DOCK3: variants seen among roughly 807,000 people sequenced by gnomAD.
The protein encoded by DOCK3 is dedicator of cytokinesis protein 3.
In DOCK3, 60 loss-of-function variants were observed where a neutral mutation model predicts 265.6. That is an observed-to-expected ratio of 0.23 (90% CI 0.18 to 0.28). The LOEUF (loss-of-function observed/expected upper bound fraction) is 0.28. DOCK3 is among the 10% of genes least tolerant of loss of function. DOCK3 has a pLI of 1.00. For synonymous variants in DOCK3, 881 were observed against 938.0 expected (o/e 0.94, Z 1.11); for missense variants, 1,981 against 2,594.3 (o/e 0.76, Z 5.14).
At chr3:50,854,591 A>ATTTTTTT (rs1559726991) in intron 3 of DOCK3, among the ~76,000 whole-genome samples, 1 of 4,316 alleles carries the variant, frequency 2.3e-4, no homozygotes, top group Admixed American at 3.1e-3. Flanking sequence ...CCATCACACC[A>ATTTTTTT]GTTTTTTTTT....
intron 9 of DOCK3, among the ~76,000 whole-genome samples, chr3:51,132,455 G>T (rs1007933322): frequency 1.4e-4 from 22 of 152,190 alleles, no homozygotes; most frequent in African/African-American, 4.8e-4. Context: ...GTTCTGAGGA[G>T]AATCAACATT....
At chr3:51,297,117 CAAAAAAA>C (rs71633066) in intron 27 of DOCK3, among the ~76,000 whole-genome samples, 11 of 65,912 alleles carry the variant, frequency 1.7e-4, no homozygotes, top group African/African-American at 5.5e-4. Context: ...GACTCTGTCT[CAAAAAAA>C]AAAAAAAAAA....
chr3:50,762,781 T>C (rs561547261), intron 1 of DOCK3, among the ~76,000 whole-genome samples: 2 of 152,314 alleles, frequency 1.3e-5, no homozygotes, highest in Admixed American at 1.3e-4. Context: ...CCAGAATAAA[T>C]CCCGCTTCAT....
In DOCK3 at chr3:51,135,651, G is replaced by A. The variant is rs141674111; in HGVS notation, c.747-10898G>A. On this transcript the variant is annotated intron_variant, in intron 9 of 52. Coordinates refer to ENST00000266037, the MANE Select transcript of DOCK3 (RefSeq NM_004947.5). ...AGTCAAATTTGGAAATTCTTCACAC[G>A]TAAATAATCCACACTGTGTTGCATG... 1.3e-4 allele frequency among the ~76,000 whole-genome samples: 20 copies of A among 152,232 alleles called. No homozygotes were observed. In the East Asian group the frequency reaches 3.3e-3, roughly 25 times the overall value.
At chr3:50,691,283 CA>C (rs371533246) in intron 1 of DOCK3, among the ~76,000 whole-genome samples, 2,812 of 64,314 alleles carry the variant, frequency 0.044, 59 homozygotes, top group African/African-American at 0.095. Flanking sequence ...GACTCTGTCT[CA>C]AAAAAAAAAA....
At chr3:51,310,156 G>A in intron 27 of DOCK3, 76 bp from the exon 28 acceptor site, 2 of 1,121,808 alleles carry the variant, frequency 1.8e-6, no homozygotes, top group Admixed American at 2.0e-5. Flanking sequence ...ATGATCTAGT[G>A]GCGGCCAGGA....
chr3:50,825,135 A>T (rs1180170051), intron 2 of DOCK3, among the ~76,000 whole-genome samples: 4 of 152,234 alleles, frequency 2.6e-5, no homozygotes, highest in Non-Finnish European at 5.9e-5. Context: ...AAAATTTGCT[A>T]CCACGTTGAA....
chr3:51,108,175 C>T (rs943543709), intron 9 of DOCK3, among the ~76,000 whole-genome samples: 2 of 152,106 alleles, frequency 1.3e-5, no homozygotes, highest in African/African-American at 4.8e-5. Context: ...GCTGGGATTA[C>T]AGGCACATGC....
intron 9 of DOCK3, among the ~76,000 whole-genome samples, chr3:51,130,185 A>G (rs1482811973): frequency 6.6e-6 from 1 of 152,340 alleles, no homozygotes; most frequent in Non-Finnish European, 1.5e-5. Flanking sequence ...AATAAGTCCA[A>G]CGTGTTTGCT....
intron 9 of DOCK3, among the ~76,000 whole-genome samples, chr3:51,132,766 G>C (rs142813824): frequency 1.3e-5 from 2 of 152,284 alleles, no homozygotes; most frequent in African/African-American, 4.8e-5. Flanking sequence ...GCATTTATTG[G>C]AAAATAATGA....
At chr3:50,707,395 C>T (rs569289910) in intron 1 of DOCK3, among the ~76,000 whole-genome samples, 9 of 151,770 alleles carry the variant, frequency 5.9e-5, no homozygotes, top group African/African-American at 1.5e-4. Flanking sequence ...CAGGATTGTG[C>T]CACTGCACTC....
At chr3:51,040,377 A>G (rs2080434670) in intron 5 of DOCK3, among the ~76,000 whole-genome samples, 1 of 152,164 alleles carries the variant, frequency 6.6e-6, no homozygotes, top group African/African-American at 2.4e-5. Context: ...TGGTTTCCTA[A>G]TGAATATAAA....
At chr3:51,064,245 G>C (rs1180671710) in intron 5 of DOCK3, among the ~76,000 whole-genome samples, 1 of 152,156 alleles carries the variant, frequency 6.6e-6, no homozygotes, top group African/African-American at 2.4e-5. Flanking sequence ...AATCAATTAT[G>C]TTACTTTGTT....
intron 7 of DOCK3, among the ~76,000 whole-genome samples, chr3:51,077,834 A>G (rs1350551862): frequency 1.3e-5 from 2 of 152,194 alleles, no homozygotes; most frequent in East Asian, 3.8e-4. Flanking sequence ...TTTTAGAGGC[A>G]TCATATTACA....
intron 7 of DOCK3, among the ~76,000 whole-genome samples, chr3:51,082,956 GCCA>G (rs2082295326): frequency 6.6e-6 from 1 of 152,114 alleles, no homozygotes; most frequent in African/African-American, 2.4e-5. Context: ...TACTGCCATT[GCCA>G]GTGCCATGTG....
chr3:50,968,821 A>T (rs2077110616), intron 5 of DOCK3, among the ~76,000 whole-genome samples: 1 of 152,204 alleles, frequency 6.6e-6, no homozygotes, highest in Non-Finnish European at 1.5e-5. Context: ...AAGTCCTGGG[A>T]TTACAGGCGT....
intron 9 of DOCK3, among the ~76,000 whole-genome samples, chr3:51,111,929 C>T (rs1369343022): frequency 6.6e-6 from 1 of 152,110 alleles, no homozygotes; most frequent in African/African-American, 2.4e-5. Context: ...AAGACATACA[C>T]GTGGCCAAGA....
intron 22 of DOCK3, among the ~76,000 whole-genome samples, chr3:51,250,390 G>C (rs1287992636): frequency 6.6e-6 from 1 of 152,150 alleles, no homozygotes; most frequent in Non-Finnish European, 1.5e-5. Flanking sequence ...AGGCCAAGGC[G>C]GGCGGATCAC....
At chr3:50,698,542 T>TTTTTTTTTTTTTTTTTTTTTTTTTCTG (rs2035819935) in intron 1 of DOCK3, among the ~76,000 whole-genome samples, 1 of 132,222 alleles carries the variant, frequency 7.6e-6, no homozygotes, top group Admixed American at 8.4e-5. Context: ...TTTTTTTTTT[T>TTTTTTTTTTTTTTTTTTTTTTTTTCTG]GCTATATACC....
Sources: gnomAD v4.1 joint callset for allele counts (sites outside exome capture counted in the v4.1 genomes callset) on GRCh38, gnomAD v4.1.1 for gene constraint, MANE v1.5 for transcripts, NCBI Gene and HGNC (gene_info 2026-07-23, HGNC 2026-07-21) for gene names.